The following NEK10 variants were observed in gnomAD, a reference collection of about 807,000 sequenced individuals.
NEK10 encodes the protein serine/threonine-protein kinase Nek10.
NEK10 carries 122 observed loss-of-function variants against 159.8 expected under a neutral mutation model. The ratio of observed to expected loss-of-function variants is 0.76; its 90% CI spans 0.66 to 0.89. The LOEUF is 0.89. Among genes scored for constraint, NEK10 ranks in the 40% least tolerant of loss-of-function variants. The probability of loss-of-function intolerance (pLI) is 0.00; values close to 1 mark genes in which losing one functional copy is unlikely to be tolerated. For synonymous variants in NEK10, 466 were observed against 457.1 expected (o/e 1.02, Z -0.25); for missense variants, 1,342 against 1,323.1 (o/e 1.01, Z -0.22).
chr3:27,315,288 C>G (rs616820), intron 6 of NEK10, among the ~76,000 whole-genome samples: 96,635 of 152,012 alleles, frequency 0.64, 33,031 homozygotes, highest in African/African-American at 0.91. Flanking sequence ...GTCTAGTTCT[C>G]CCATGAAGCC....
At chr3:27,309,221 G>T in intron 9 of NEK10, 1 of 282,052 alleles carries the variant, frequency 3.5e-6, no homozygotes, top group Non-Finnish European at 6.6e-6. Context: ...TGTTAAAGCT[G>T]CTCTCTCTTA....
At chr3:27,294,979 G>A (rs2043251406) in intron 15 of NEK10, among the ~76,000 whole-genome samples, 2 of 151,974 alleles carry the variant, frequency 1.3e-5, no homozygotes, top group Non-Finnish European at 2.9e-5. Flanking sequence ...GTTCCACTGA[G>A]CAGCTCACCC....
At position 27,110,424 on chromosome 3, in the gene NEK10, G is replaced by A. The variant is rs1939394126; in HGVS notation, c.*848C>T. 1 of 152,116 alleles carries A rather than the reference G, an allele frequency of 6.6e-6. No individual in the cohort carries two copies. Among genetic ancestry groups the A allele is most frequent in the South Asian group, 2.1e-4 (1 of 4,826 alleles). The allele number at this position is 152,116 out of a possible 1,614,324, so 9.4% of individuals were successfully genotyped here. ...AATTTAGGTAATTGTAATAAGGAGG[G>A]ATTTAGGATGAGGAATATTGCATCT... On this transcript the variant is annotated 3_prime_UTR_variant, in exon 36 of 36. Coordinates refer to ENST00000691995, the MANE Select transcript of NEK10 (RefSeq NM_001394966.1).
intron 23 of NEK10, among the ~76,000 whole-genome samples, chr3:27,218,114 G>C (rs1201241934): frequency 6.6e-6 from 1 of 152,132 alleles, no homozygotes; most frequent in African/African-American, 2.4e-5. Flanking sequence ...TGTAGATAGA[G>C]CATGCAGTGT....
chr3:27,174,591 T>G, intron 27 of NEK10, 59 bp downstream of exon 27: 1 of 1,599,704 alleles, frequency 6.3e-7, no homozygotes, highest in Non-Finnish European at 8.5e-7. Context: ...CCAGAATACA[T>G]TCATGTTGAC....
intron 25 of NEK10, among the ~76,000 whole-genome samples, chr3:27,193,005 G>A (rs1949245867): frequency 6.6e-6 from 1 of 152,170 alleles, no homozygotes; most frequent in African/African-American, 2.4e-5. Flanking sequence ...TAGCTTCTAA[G>A]ACTCAGATAG....
chr3:27,320,756 G>A (rs2045561123), intron 6 of NEK10, among the ~76,000 whole-genome samples: 1 of 152,210 alleles, frequency 6.6e-6, no homozygotes, highest in South Asian at 2.1e-4. Context: ...CACGAGGCCA[G>A]TTTAGAATAC....
chr3:27,340,374 G>A (rs1033227713), intron 5 of NEK10, among the ~76,000 whole-genome samples: 6 of 152,144 alleles, frequency 3.9e-5, no homozygotes, highest in African/African-American at 1.4e-4. Context: ...GGTGGCAAAA[G>A]GAGGGAGAGC....
At chr3:27,132,423 T>C (rs1267845859) in intron 31 of NEK10, among the ~76,000 whole-genome samples, 1 of 152,150 alleles carries the variant, frequency 6.6e-6, no homozygotes, top group Admixed American at 6.5e-5. Flanking sequence ...GAAATACATA[T>C]CTGCTTTAGT....
chr3:27,266,509 G>A (rs2040908422), intron 22 of NEK10, among the ~76,000 whole-genome samples: 1 of 152,058 alleles, frequency 6.6e-6, no homozygotes, highest in African/African-American at 2.4e-5. Flanking sequence ...GTGTCTCCTA[G>A]GCATCTCAAA....
chr3:27,347,723 C>T (rs1575858384), intron 3 of NEK10, among the ~76,000 whole-genome samples: 1 of 152,070 alleles, frequency 6.6e-6, no homozygotes, highest in South Asian at 2.1e-4. Context: ...ACTTTTCTAT[C>T]TCAATTCGGT....
Position 27,110,628 on chromosome 3 carries a change from C to T in NEK10, c.*644G>A, listed in dbSNP as rs1939412740. The T allele has an allele frequency of 6.6e-6, 1 of 151,880 alleles. No individual in the cohort carries two copies. The allele number at this position is 151,880 out of a possible 1,614,324, so 9.4% of individuals were successfully genotyped here. On this transcript the variant is annotated 3_prime_UTR_variant, in exon 36 of 36. Transcript: ENST00000691995. ...TTAAATCTGACAGTTTGACAGTTAC[C>T]CCCAGAGGCTGTGCAAGGTTACAAA...
intron 28 of NEK10, among the ~76,000 whole-genome samples, chr3:27,172,884 G>C (rs965585684): frequency 1.1e-4 from 16 of 152,072 alleles, no homozygotes; most frequent in Admixed American, 1.3e-4. Flanking sequence ...CTCTGTAAAT[G>C]GTAGGTAGGA....
At chr3:27,136,321 C>A (rs1329039827) in intron 31 of NEK10, among the ~76,000 whole-genome samples, 2 of 151,684 alleles carry the variant, frequency 1.3e-5, no homozygotes, top group East Asian at 3.9e-4. Flanking sequence ...ACTGTGTTAG[C>A]CAGGATGGTC....
In NEK10 at chr3:27,347,477, G is replaced by A. The variant is rs980396336; in HGVS notation, c.133-1261C>T. On this transcript the variant is annotated intron_variant, in intron 3 of 35. Transcript: ENST00000691995. ...AGATCGTGCCATTGCACTCCAGTCT[G>A]GGCAACAAGAGTGAAACTCCGTCTC... is the stretch of plus-strand genomic sequence containing the variant. Among the ~76,000 whole-genome samples the A allele has an allele frequency of 5.0e-5, 6 of 119,690 alleles. No individual in the cohort carries two copies. The East Asian group carries it at 1.6e-3, about 33-fold the overall frequency. The allele number at this position is 119,690 out of a possible 152,430, so 78.5% of individuals were successfully genotyped here.
rs201183358 is a variant in NEK10, at chr3:27,344,300, C to T, written c.334G>A (p.Ala112Thr). Residue 112 changes from alanine to threonine, a missense_variant, in exon 5 of 36, where the codon GCC becomes ACC. Coordinates refer to ENST00000691995, the MANE Select transcript of NEK10 (RefSeq NM_001394966.1). ...QRKLFQEIFTALVKNRLISRE... is the reference protein window; with the variant it reads ...QRKLFQEIFTTLVKNRLISRE... ...CTTATGAGTCTATTTTTCACCAAGG[C>T]GGTAAAGATCTCCTGAAATAGTTTA... 11 of 1,594,070 alleles carry T rather than the reference C, an allele frequency of 6.9e-6. No homozygotes were observed. Among genetic ancestry groups the T allele is most frequent in the Middle Eastern group, 1.7e-4 (1 of 6,020 alleles).
intron 6 of NEK10, 127 bp from the exon 7 acceptor site, chr3:27,314,465 T>A (rs576984872): frequency 3.1e-6 from 2 of 654,056 alleles, no homozygotes; most frequent in African/African-American, 1.8e-5. Flanking sequence ...CATTCTAATA[T>A]AAATACGGAA....
chr3:27,140,911 A>C (rs1943729298), intron 31 of NEK10, among the ~76,000 whole-genome samples: 1 of 152,232 alleles, frequency 6.6e-6, no homozygotes, highest in Admixed American at 6.5e-5. Flanking sequence ...GTCTAAAAAA[A>C]AGATTTTATT....
At chr3:27,365,096 C>T (rs2048962748) in intron 1 of NEK10, among the ~76,000 whole-genome samples, 1 of 152,192 alleles carries the variant, frequency 6.6e-6, no homozygotes. Context: ...ATCCAGCTCT[C>T]TATTCACCTA....
Sources: gnomAD v4.1 joint callset for allele counts (sites outside exome capture counted in the v4.1 genomes callset) on GRCh38, gnomAD v4.1.1 for gene constraint, MANE v1.5 for transcripts, NCBI Gene and HGNC (gene_info 2026-07-23, HGNC 2026-07-21) for gene names.